Variants in GMPS observed in about 807,000 individuals in gnomAD.
GMPS encodes GMP synthase [glutamine-hydrolyzing].
In GMPS, 15 loss-of-function variants were observed where a neutral mutation model predicts 77.9. The observed-to-expected ratio is 0.19, with a 90% CI of 0.13 to 0.30. GMPS has a LOEUF of 0.30. Among genes scored for constraint, GMPS ranks in the 10% least tolerant of loss-of-function variants. The pLI is 1.00. For synonymous variants in GMPS, 224 were observed against 275.9 expected, an observed-to-expected ratio of 0.81 and a Z score of 1.86; for missense variants, 590 against 838.8, an observed-to-expected ratio of 0.70 and a Z score of 3.66.
Position 155,935,033 on chromosome 3 carries a change from T to C in GMPS, c.1794T>C (p.Ile598=). 1 of 1,609,380 alleles carries C rather than the reference T, an allele frequency of 6.2e-7. No individual in the cohort carries two copies. The highest frequency in any genetic ancestry group is 1.7e-5 in the Admixed American group (1 of 59,996). Residue 598 remains isoleucine (I), a synonymous_variant, in exon 14 of 16, where the codon ATT becomes ATC. Transcript: ENST00000496455. ...LRQADFEAHN[I]LRESGYAGKI... ...AAGCTGATTTTGAGGCCCATAACAT[T>C]CTCAGGGAGTCTGGTAAGTTGCTCA...
intron 3 of GMPS, among the ~76,000 whole-genome samples, chr3:155,899,801 A>G (rs1754689972): frequency 6.6e-6 from 1 of 152,042 alleles, no homozygotes; most frequent in East Asian, 1.9e-4. Context: ...TATCGTCTTT[A>G]TAGTTTTGCC....
intron 1 of GMPS, among the ~76,000 whole-genome samples, chr3:155,877,975 T>C (rs1468399249): frequency 6.6e-6 from 1 of 152,140 alleles, no homozygotes; most frequent in Non-Finnish European, 1.5e-5. Context: ...GGTTTTGCTA[T>C]GTTGACCAGG....
intron 3 of GMPS, among the ~76,000 whole-genome samples, 174 bp downstream of exon 3, chr3:155,898,215 G>A (rs1754648113): frequency 6.6e-6 from 1 of 152,218 alleles, no homozygotes; most frequent in African/African-American, 2.4e-5. Flanking sequence ...TGGCCTGATA[G>A]GGAATCTATT....
At chr3:155,914,342 T>C in intron 7 of GMPS, 77 bp from the exon 8 acceptor site, 3 of 1,078,678 alleles carry the variant, frequency 2.8e-6, no homozygotes, top group Admixed American at 2.9e-5. Flanking sequence ...ATAGCTTTTC[T>C]TTCTGTATTT....
At chr3:155,905,060 C>A (rs928666840) in intron 4 of GMPS, among the ~76,000 whole-genome samples, 2 of 151,788 alleles carry the variant, frequency 1.3e-5, no homozygotes, top group African/African-American at 4.8e-5. Context: ...CTCTGTCGCA[C>A]GCCCAGGCTG....
Position 155,938,316 on chromosome 3 carries a change from A to G in GMPS, c.*624A>G, listed in dbSNP as rs951961818. 30 of 218,396 alleles carry G rather than the reference A, an allele frequency of 1.4e-4. No homozygotes were observed. The highest frequency in any genetic ancestry group is 6.1e-4 in the African/African-American group (27 of 44,590). The allele number at this position is 218,396 out of a possible 1,614,324, so 13.5% of individuals were successfully genotyped here. A position where few individuals can be genotyped will look rare whatever the true frequency, so the allele number is the denominator to read the frequency against. On this transcript the variant is annotated 3_prime_UTR_variant, in exon 16 of 16. Coordinates refer to ENST00000496455, the MANE Select transcript of GMPS (RefSeq NM_003875.3). ...TTCACAGCCTTGGGAGGAAGAAACT[A>G]TGAGTGGTCTCAGATGTCTATGAAT... is the stretch of plus-strand genomic sequence containing the variant.
intron 2 of GMPS, chr3:155,895,588 G>A (rs1323011027): frequency 6.6e-6 from 1 of 152,278 alleles, no homozygotes; most frequent in East Asian, 1.9e-4. Context: ...TGGGATTACA[G>A]GCTTGAGCCA....
intron 12 of GMPS, among the ~76,000 whole-genome samples, chr3:155,930,485 G>A (rs979018689): frequency 5.3e-5 from 8 of 150,152 alleles, no homozygotes; most frequent in African/African-American, 1.5e-4. Flanking sequence ...AAAAGCAATG[G>A]CAACAAAAGC....
chr3:155,913,111 C>G (rs1346332182), intron 7 of GMPS, among the ~76,000 whole-genome samples: 1 of 152,174 alleles, frequency 6.6e-6, no homozygotes, highest in Non-Finnish European at 1.5e-5. Flanking sequence ...AATGGTGATT[C>G]CCTCTTCCTA....
intron 1 of GMPS, among the ~76,000 whole-genome samples, chr3:155,881,042 G>A (rs560408760): frequency 6.6e-6 from 1 of 151,154 alleles, no homozygotes; most frequent in East Asian, 1.9e-4. Context: ...ATGTATTTCT[G>A]TTAGCAAAGG....
rs376249078 is a variant in GMPS at position 155,931,952 on chromosome 3, T to C, written c.1676+72T>C. 2.9e-3 allele frequency: 2,079 copies of C among 719,062 alleles called. 6 individuals carry two copies. The highest frequency in any genetic ancestry group is 2.8e-3 in the South Asian group (169 of 60,812). 44.5% of individuals were successfully genotyped at this position (719,062 alleles called of 1,614,324 possible). A position where few individuals can be genotyped will look rare whatever the true frequency, so the allele number is the denominator to read the frequency against. Reference sequence around the variant, plus strand: ...GTATTTCTTAAGGGCTTTCAATTAATGGAAGACCAAAAGGCTCAAATGTAG... The same window carrying C: ...GTATTTCTTAAGGGCTTTCAATTAACGGAAGACCAAAAGGCTCAAATGTAG... On this transcript the variant is annotated intron_variant, in intron 13 of 15. Transcript: ENST00000496455.
At chr3:155,933,262 A>G (rs2108147610) in intron 13 of GMPS, among the ~76,000 whole-genome samples, 1 of 152,180 alleles carries the variant, frequency 6.6e-6, no homozygotes, top group Admixed American at 6.5e-5. Flanking sequence ...CTTTTTGATG[A>G]ATTGGAGTTT....
chr3:155,906,864 C>T (rs1284048402), intron 5 of GMPS, among the ~76,000 whole-genome samples: 1 of 152,160 alleles, frequency 6.6e-6, no homozygotes, highest in Non-Finnish European at 1.5e-5. Context: ...GACCCATGCT[C>T]TTAAACCATT....
At chr3:155,921,213 A>G (rs1755310297) in intron 10 of GMPS, among the ~76,000 whole-genome samples, 1 of 152,208 alleles carries the variant, frequency 6.6e-6, no homozygotes, top group Non-Finnish European at 1.5e-5. Context: ...AGATCGTGCC[A>G]CTGCCCTCCA....
chr3:155,904,318 C>T (rs1577515448), intron 4 of GMPS, among the ~76,000 whole-genome samples: 2 of 150,004 alleles, frequency 1.3e-5, no homozygotes, highest in East Asian at 3.9e-4. Flanking sequence ...GAGACGGAGT[C>T]TCCCTCTGCC....
intron 11 of GMPS, among the ~76,000 whole-genome samples, chr3:155,923,390 A>G (rs1395201669): frequency 6.6e-6 from 1 of 152,154 alleles, no homozygotes; most frequent in African/African-American, 2.4e-5. Context: ...AAAAAAATGT[A>G]TTAATTCCTC....
At position 155,937,796 on chromosome 3, in the gene GMPS, C is replaced by T. The variant is rs1417881678; in HGVS notation, c.*104C>T. 1.5e-6 allele frequency: 1 copy of T among 649,116 alleles called. No homozygotes were observed. The highest frequency in any genetic ancestry group is 2.7e-5 in the East Asian group (1 of 37,662). 40.2% of individuals were successfully genotyped at this position (649,116 alleles called of 1,614,324 possible). On this transcript the variant is annotated 3_prime_UTR_variant, in exon 16 of 16. Transcript: ENST00000496455. ...GTGAAAAGAGTTACTGGAGCAGCTA[C>T]ATCACATCTGAGTTCTCCACAGCAA... is the stretch of plus-strand genomic sequence containing the variant.
At chr3:155,933,771 C>T (rs896993283) in intron 13 of GMPS, among the ~76,000 whole-genome samples, 2 of 152,182 alleles carry the variant, frequency 1.3e-5, no homozygotes, top group Non-Finnish European at 2.9e-5. Flanking sequence ...CTAAGTGGCA[C>T]TCATATCTCT....
Position 155,911,164 on chromosome 3 carries a change from T to A in GMPS, c.771T>A (p.Asn257Lys). ...VDSTVCTALL[N>K]RALNQEQVIA... is the part of the protein sequence containing the mutation. ...CAACAGTTTGTACAGCTTTGCTAAA[T>A]CGTGCTTTGAACCAAGAACAAGTCA... Residue 257 changes from asparagine (N) to lysine (K), a missense_variant, in exon 7 of 16, where the codon AAT (asparagine) becomes AAA (lysine). By Grantham distance (94) the Asn-to-Lys change is moderately conservative. Transcript: ENST00000496455. 6.2e-7 allele frequency: 1 copy of A among 1,613,122 alleles called. No individual in the cohort carries two copies.
Sources: allele counts gnomAD v4.1 joint callset (sites outside exome capture counted in the v4.1 genomes callset), GRCh38; gene constraint gnomAD v4.1.1; transcripts MANE v1.5; gene names NCBI Gene and HGNC (gene_info 2026-07-23, HGNC 2026-07-21).